The following FTCDNL1 variants were observed in gnomAD, a reference collection of about 807,000 sequenced individuals.
The protein encoded by FTCDNL1 is formiminotransferase cyclodeaminase N-terminal like.
FTCDNL1 carries 11 observed loss-of-function variants against 5.9 expected under a neutral mutation model. The ratio of observed to expected loss-of-function variants is 1.87; its 90% CI spans 1.18 to 3.10. FTCDNL1 has a LOEUF of 3.10. Ranked by LOEUF, FTCDNL1 falls within the 30% of genes most tolerant of loss-of-function variation. The pLI is 0.00. For synonymous variants in FTCDNL1, 58 were observed against 24.8 expected, an observed-to-expected ratio of 2.34 and a Z score of -3.99; for missense variants, 115 against 65.5, an observed-to-expected ratio of 1.76 and a Z score of -2.61.
At chr2:199,717,254 T>G in the FTCDNL1 span, among the ~76,000 whole-genome samples, 1 of 152,218 alleles carries the variant, frequency 6.6e-6, no homozygotes, top group Admixed American at 6.5e-5. Flanking sequence ...GAGAAATGAC[T>G]GTCCGTGTAG....
At chr2:199,738,803 G>GT in the FTCDNL1 span, among the ~76,000 whole-genome samples, 5 of 152,190 alleles carry the variant, frequency 3.3e-5, no homozygotes, top group African/African-American at 1.2e-4. Context: ...GGTGAAGACT[G>GT]TAAGGGCTAA....
chr2:199,800,622 C>T (rs1343818030), intron 3 of FTCDNL1, among the ~76,000 whole-genome samples: 2 of 152,176 alleles, frequency 1.3e-5, no homozygotes, highest in African/African-American at 4.8e-5. Context: ...ATTTTTATGG[C>T]TACTCTTTTG....
the FTCDNL1 span, among the ~76,000 whole-genome samples, chr2:199,709,816 T>A: frequency 1.3e-5 from 2 of 152,086 alleles, no homozygotes; most frequent in African/African-American, 4.8e-5. Flanking sequence ...AAGGTTTTTG[T>A]AAAAATAGGC....
chr2:199,697,189 G>A, the FTCDNL1 span, among the ~76,000 whole-genome samples: 24 of 152,176 alleles, frequency 1.6e-4, no homozygotes, highest in African/African-American at 4.3e-4. Context: ...GGAGAATGGC[G>A]TGAACCTGGG....
chr2:199,690,873 T>C, the FTCDNL1 span, among the ~76,000 whole-genome samples: 1 of 152,208 alleles, frequency 6.6e-6, no homozygotes. Flanking sequence ...GACCACTTTG[T>C]CCACTTTTAT....
rs1329695092 is a variant in FTCDNL1 at position 199,848,947 on chromosome 2, C to G, written c.16G>C (p.Val6Leu). 1.4e-6 allele frequency: 1 copy of G among 702,036 alleles called. No individual in the cohort carries two copies. The highest frequency in any genetic ancestry group is 1.5e-5 in the South Asian group (1 of 67,498). The allele number at this position is 702,036 out of a possible 1,614,324, so 43.5% of individuals were successfully genotyped here. A position where few individuals can be genotyped will look rare whatever the true frequency, so the allele number is the denominator to read the frequency against. The change falls in exon 2 of 5, where the codon GTG becomes CTG. Residue 6 changes from valine (V) to leucine (L), a missense_variant. Coordinates refer to ENST00000420128, the MANE Select transcript of FTCDNL1 (RefSeq NM_001363886.2). ...AAACAGGCAGCCAAACGGAGCCCCA[C>G]TCTGGAAGAAGACATGATTTTTCTG... is the stretch of plus-strand genomic sequence containing the variant. Reference protein sequence around the residue: MSSSRVGLRLAACLLN... With the variant: MSSSRLGLRLAACLLN...
At position 199,848,972 on chromosome 2, in the gene FTCDNL1, G is replaced by A. The variant is rs970531441; in HGVS notation, c.-7-3C>T. ...CTCTGGAAGAAGACATGATTTTTCT[G>A]GAATAGGAGAAAAATTTTTATGTGT... On this transcript the variant is annotated splice_region_variant and splice_polypyrimidine_tract_variant and intron_variant, in intron 1 of 4. Coordinates refer to ENST00000420128, the MANE Select transcript of FTCDNL1 (RefSeq NM_001363886.2). 8.6e-6 allele frequency: 6 copies of A among 697,928 alleles called. No homozygotes were observed. Among genetic ancestry groups the A allele is most frequent in the Admixed American group, 4.1e-5 (2 of 49,030 alleles). 43.2% of individuals were successfully genotyped at this position (697,928 alleles called of 1,614,324 possible). A position where few individuals can be genotyped will look rare whatever the true frequency, so the allele number is the denominator to read the frequency against.
the FTCDNL1 span, among the ~76,000 whole-genome samples, chr2:199,675,939 C>G: frequency 6.6e-6 from 1 of 152,114 alleles, no homozygotes; most frequent in Non-Finnish European, 1.5e-5. Context: ...TTTGTAGAGA[C>G]AGGGGTCTCA....
chr2:199,785,249 C>CTTTTTTTTTTTTGT (rs1699577445), intron 3 of FTCDNL1, among the ~76,000 whole-genome samples: 1 of 76,866 alleles, frequency 1.3e-5, no homozygotes. Flanking sequence ...TTCCAAATTC[C>CTTTTTTTTTTTTGT]TTTTTTTTTT....
chr2:199,752,238 C>A, the FTCDNL1 span, among the ~76,000 whole-genome samples: 1 of 152,194 alleles, frequency 6.6e-6, no homozygotes, highest in Non-Finnish European at 1.5e-5. Flanking sequence ...CCCTCCCCAC[C>A]CCACAGCATT....
At chr2:199,739,136 A>G in the FTCDNL1 span, among the ~76,000 whole-genome samples, 1 of 152,206 alleles carries the variant, frequency 6.6e-6, no homozygotes, top group African/African-American at 2.4e-5. Context: ...CTCTCATTGA[A>G]ATAAAATGAA....
rs1037631911 is a variant in FTCDNL1 at position 199,811,044 on chromosome 2, A to C, written c.*1661T>G. 2.0e-5 allele frequency among the ~76,000 whole-genome samples: 3 copies of C among 152,206 alleles called. No individual in the cohort carries two copies. The highest frequency in any genetic ancestry group is 6.5e-5 in the Admixed American group (1 of 15,272). ...TTTCATCTTTTTCCCACACATGTAC[A>C]TAATGAAACATTTCAACTCCCGAGG... On this transcript the variant is annotated 3_prime_UTR_variant, in exon 5 of 5. Transcript: ENST00000420128.
intron 3 of FTCDNL1, among the ~76,000 whole-genome samples, chr2:199,835,489 C>T (rs1702669252): frequency 6.6e-6 from 1 of 152,088 alleles, no homozygotes; most frequent in South Asian, 2.1e-4. Flanking sequence ...TCCCGAGAAG[C>T]ACACTCTTAC....
At chr2:199,785,967 A>G (rs1699622388) in intron 3 of FTCDNL1, among the ~76,000 whole-genome samples, 1 of 152,206 alleles carries the variant, frequency 6.6e-6, no homozygotes, top group Non-Finnish European at 1.5e-5. Context: ...AGGAGCACAC[A>G]GCCTATATCC....
chr2:199,850,617 C>T (rs2076850998), intron 1 of FTCDNL1, 123 bp downstream of exon 1: 2 of 152,260 alleles, frequency 1.3e-5, no homozygotes, highest in Non-Finnish European at 1.5e-5. Context: ...GTCCTCCCAG[C>T]TCATCCTTCA....
At chr2:199,815,860 C>T (rs1701320787) in intron 4 of FTCDNL1, among the ~76,000 whole-genome samples, 1 of 151,942 alleles carries the variant, frequency 6.6e-6, no homozygotes, top group African/African-American at 2.4e-5. Flanking sequence ...ATTATCCATG[C>T]ATGGTGGCAC....
At chr2:199,837,739 C>G (rs1225837497) in intron 3 of FTCDNL1, among the ~76,000 whole-genome samples, 1 of 151,976 alleles carries the variant, frequency 6.6e-6, no homozygotes, top group Admixed American at 6.6e-5. Flanking sequence ...TTAAAAAAAT[C>G]AAAACAATAA....
At chr2:199,770,283 A>T (rs537444307) in intron 3 of FTCDNL1, among the ~76,000 whole-genome samples, 2 of 152,344 alleles carry the variant, frequency 1.3e-5, no homozygotes, top group South Asian at 4.1e-4. Context: ...ATGTCACAGG[A>T]TCACAGGTAA....
At chr2:199,731,534 G>A in the FTCDNL1 span, among the ~76,000 whole-genome samples, 1 of 152,082 alleles carries the variant, frequency 6.6e-6, no homozygotes, top group South Asian at 2.1e-4. Context: ...TGCCCCCTAG[G>A]AATTTTGAGT....
Sources: allele counts gnomAD v4.1 joint callset (sites outside exome capture counted in the v4.1 genomes callset), GRCh38; gene constraint gnomAD v4.1.1; transcripts MANE v1.5; gene names NCBI Gene and HGNC (gene_info 2026-07-23, HGNC 2026-07-21).